MLLT3: variants seen among roughly 807,000 people sequenced by gnomAD.
MLLT3 encodes MLLT3 super elongation complex subunit, also known as protein AF-9.
Under a neutral mutation model 53.2 loss-of-function variants are expected in MLLT3, and 4 were observed. The ratio of observed to expected loss-of-function variants is 0.08; its 90% confidence interval spans 0.04 to 0.17. The LOEUF (loss-of-function observed/expected upper bound fraction) is 0.17, where lower values mean the gene tolerates loss of function less well. Among genes scored for constraint, MLLT3 ranks in the 10% least tolerant of loss-of-function variants. The pLI is 1.00. For missense variants in MLLT3, 569 were observed against 684.0 expected (o/e 0.83, Z 1.87); for synonymous variants, 283 against 230.6 (o/e 1.23, Z -2.06).
intron 4 of MLLT3, among the ~76,000 whole-genome samples, chr9:20,414,867 A>G (rs1402615970): frequency 6.6e-6 from 1 of 152,208 alleles, no homozygotes; most frequent in African/African-American, 2.4e-5. Context: ...TTCATAAAGA[A>G]GTAACATCTG....
rs768785666 is a variant in MLLT3 at position 20,620,882 on chromosome 9, G to A, written c.13-48C>T. 1.4e-5 allele frequency: 22 copies of A among 1,594,196 alleles called. No individual in the cohort carries two copies. The highest frequency in any genetic ancestry group is 1.7e-5 in the Admixed American group (1 of 59,870). On this transcript the variant is annotated intron_variant, in intron 1 of 10. Coordinates refer to ENST00000380338, the MANE Select transcript of MLLT3 (RefSeq NM_004529.4). This position sits in a 1 kb window ranked among gnomAD's most constrained non-coding sequence, Gnocchi z 6.1. ...CAGCCGTGAATAACAGGAAGGCGAG[G>A]TTTCGGCAGTGAACGTTGCGCCTGA...
intron 5 of MLLT3, among the ~76,000 whole-genome samples, chr9:20,370,834 C>G (rs1024790044): frequency 1.3e-5 from 2 of 152,102 alleles, no homozygotes; most frequent in African/African-American, 4.8e-5. Context: ...TAAATCAAAG[C>G]TATAAATGAT....
intron 2 of MLLT3, among the ~76,000 whole-genome samples, chr9:20,519,801 G>T (rs1354508228): frequency 6.6e-6 from 1 of 152,072 alleles, no homozygotes; most frequent in Non-Finnish European, 1.5e-5. Context: ...ATTCCTGAAA[G>T]AACTAAAAAC....
chr9:20,514,578 C>A (rs191786801), intron 2 of MLLT3, among the ~76,000 whole-genome samples: 1 of 151,936 alleles, frequency 6.6e-6, no homozygotes, highest in Admixed American at 6.6e-5. Flanking sequence ...TGAGAAACTG[C>A]CTGGCCCATG....
chr9:20,613,133 GT>G (rs1393735269), intron 2 of MLLT3, among the ~76,000 whole-genome samples: 1 of 152,106 alleles, frequency 6.6e-6, no homozygotes, highest in African/African-American at 2.4e-5. Flanking sequence ...ATGTGGACAG[GT>G]TCAGAAACAG....
rs1300158181 is a variant in MLLT3 at position 20,420,027 on chromosome 9, G to C, written c.421-5602C>G. Among the ~76,000 whole-genome samples the C allele has an allele frequency of 2.6e-5, 4 of 152,086 alleles. No individual in the cohort carries two copies. In the East Asian group the frequency reaches 7.7e-4, roughly 29 times the overall value. The stretch of plus-strand genomic sequence containing the variant: ...GAATGAAAGAGGATTAGGGTGTCAA[G>C]GTGAAAGAAAGTGCTGGTATCTTTT... On this transcript the variant is annotated intron_variant, in intron 4 of 10. Coordinates refer to ENST00000380338, the MANE Select transcript of MLLT3 (RefSeq NM_004529.4).
chr9:20,522,623 T>C (rs1228838276), intron 2 of MLLT3, among the ~76,000 whole-genome samples: 2 of 152,106 alleles, frequency 1.3e-5, no homozygotes, highest in African/African-American at 2.4e-5. Context: ...CAGAAATCTG[T>C]AGTGTAGTGT....
At chr9:20,601,143 G>C (rs1195694175) in intron 2 of MLLT3, among the ~76,000 whole-genome samples, 4 of 36,884 alleles carry the variant, frequency 1.1e-4, no homozygotes, top group African/African-American at 3.5e-4. Flanking sequence ...TGACATTCTG[G>C]AAACAAACTT....
intron 2 of MLLT3, among the ~76,000 whole-genome samples, chr9:20,509,292 C>T (rs895616062): frequency 4.6e-5 from 7 of 152,034 alleles, no homozygotes. Flanking sequence ...TAAGTATGTT[C>T]ACCATGGACA....
intron 2 of MLLT3, among the ~76,000 whole-genome samples, chr9:20,468,367 G>A (rs1824288441): frequency 6.6e-6 from 1 of 152,086 alleles, no homozygotes; most frequent in South Asian, 2.1e-4. Context: ...AAAAGAAAAT[G>A]TTCCTCACTT....
intron 5 of MLLT3, among the ~76,000 whole-genome samples, chr9:20,395,349 G>T (rs541852466): frequency 2.0e-5 from 3 of 152,122 alleles, no homozygotes; most frequent in Admixed American, 6.6e-5. Flanking sequence ...TCATGCCCTG[G>T]CAGAAGGCAA....
At chr9:20,462,141 C>T (rs747036019) in intron 2 of MLLT3, among the ~76,000 whole-genome samples, 1 of 152,290 alleles carries the variant, frequency 6.6e-6, no homozygotes, top group South Asian at 2.1e-4. Flanking sequence ...CCTACCACTA[C>T]AAGGCTTTAC....
rs76175761 is a variant in MLLT3 at position 20,406,300 on chromosome 9, A to G, written c.1125+7421T>C. 2.2e-4 allele frequency among the ~76,000 whole-genome samples: 34 copies of G among 152,106 alleles called. No homozygotes were observed. In the East Asian group the frequency reaches 6.6e-3, roughly 29 times the overall value. The stretch of plus-strand genomic sequence containing the variant: ...CCCACACCCTCATCTCTACTAATTC[A>G]TGCCTCTTTCCTTCAAAGACCAGCT... On this transcript the variant is annotated intron_variant, in intron 5 of 10. Coordinates refer to ENST00000380338, the MANE Select transcript of MLLT3 (RefSeq NM_004529.4).
chr9:20,588,192 T>C (rs531062879), intron 2 of MLLT3, among the ~76,000 whole-genome samples: 13 of 151,968 alleles, frequency 8.6e-5, no homozygotes, highest in African/African-American at 3.1e-4. Context: ...TTCTGTTCCA[T>C]TGATCTATAT....
chr9:20,502,086 A>G (rs1825254208), intron 2 of MLLT3, among the ~76,000 whole-genome samples: 1 of 124,308 alleles, frequency 8.0e-6, no homozygotes, highest in Non-Finnish European at 1.8e-5. Flanking sequence ...CATCTCAAAA[A>G]AAAAAAAGGG....
At chr9:20,452,822 A>G (rs1328415971) in intron 3 of MLLT3, among the ~76,000 whole-genome samples, 1 of 152,222 alleles carries the variant, frequency 6.6e-6, no homozygotes, top group Non-Finnish European at 1.5e-5. Context: ...TTAAATTCAT[A>G]AAATCAGAGA....
At chr9:20,486,535 A>G (rs1450322008) in intron 2 of MLLT3, among the ~76,000 whole-genome samples, 1 of 152,180 alleles carries the variant, frequency 6.6e-6, no homozygotes, top group African/African-American at 2.4e-5. Flanking sequence ...TAACTGGCAA[A>G]CCTCCAGAAA....
chr9:20,552,404 T>C (rs575922922), intron 2 of MLLT3, among the ~76,000 whole-genome samples: 1 of 152,190 alleles, frequency 6.6e-6, no homozygotes, highest in Non-Finnish European at 1.5e-5. Flanking sequence ...TTCAAGTTTT[T>C]GTTTTTTAAT....
Position 20,416,236 on chromosome 9 carries a change from C to G in MLLT3, c.421-1811G>C, listed in dbSNP as rs576228056. 1.4e-4 allele frequency among the ~76,000 whole-genome samples: 22 copies of G among 151,914 alleles called. 1 individual carries two copies. Among genetic ancestry groups the G allele is most frequent in the African/African-American group, 5.1e-4 (21 of 41,474 alleles). ...GAGTTTTTTTCAATAGGCTTGTTGA[C>G]TTACTGATTTTTGAAAATTTGCAAT... On this transcript the variant is annotated intron_variant, in intron 4 of 10. Coordinates refer to ENST00000380338, the MANE Select transcript of MLLT3 (RefSeq NM_004529.4).
Sources: gnomAD v4.1 joint callset for allele counts (sites outside exome capture counted in the v4.1 genomes callset) on GRCh38, gnomAD v4.1.1 for gene constraint, Gnocchi (gnomAD v3.1) non-coding constraint, MANE v1.5 for transcripts, NCBI Gene and HGNC (gene_info 2026-07-23, HGNC 2026-07-21) for gene names.